The following OR1J2 variants were observed in gnomAD, a reference collection of about 807,000 sequenced individuals.
OR1J2 encodes the protein olfactory receptor family 1 subfamily J member 2.
For missense variants in OR1J2, 304 were observed against 246.1 expected (o/e 1.24, Z -1.57); for synonymous variants, 142 against 99.7 (o/e 1.42, Z -2.52).
the OR1J2 span, chr9:122,567,499 C>A: frequency 2.2e-6 from 3 of 1,362,892 alleles, no homozygotes; most frequent in Non-Finnish European, 3.0e-6. Flanking sequence ...GTAGAAAACA[C>A]GTCCAAGTTG....
downstream of OR1J2, among the ~76,000 whole-genome samples, chr9:122,515,352 T>TGTGTGTGTGTG (rs1828684886): frequency 7.4e-6 from 1 of 135,714 alleles, no homozygotes; most frequent in African/African-American, 2.9e-5. Flanking sequence ...CAGGAGCAGG[T>TGTGTGTGTGTG]TGTGTGTGTG....
the OR1J2 span, among the ~76,000 whole-genome samples, chr9:122,526,156 A>G: frequency 6.6e-6 from 1 of 152,190 alleles, no homozygotes; most frequent in East Asian, 1.9e-4. Flanking sequence ...AATGCATTTC[A>G]TAGTTTATTT....
At chr9:122,492,970 G>T in the OR1J2 span, among the ~76,000 whole-genome samples, 1 of 152,220 alleles carries the variant, frequency 6.6e-6, no homozygotes, top group East Asian at 1.9e-4. Flanking sequence ...AGATCATCAT[G>T]TGAGTTTTGT....
chr9:122,468,766 G>A, the OR1J2 span, among the ~76,000 whole-genome samples: 1 of 152,184 alleles, frequency 6.6e-6, no homozygotes, highest in African/African-American at 2.4e-5. Context: ...TGCCATGGAA[G>A]CCGTTTTACA....
the OR1J2 span, among the ~76,000 whole-genome samples, chr9:122,542,254 TGC>T: frequency 6.6e-6 from 1 of 152,206 alleles, no homozygotes; most frequent in African/African-American, 2.4e-5. Flanking sequence ...GCAAATGGAT[TGC>T]TTCCAATATT....
chr9:122,555,928 A>C, the OR1J2 span, among the ~76,000 whole-genome samples: 87,273 of 152,060 alleles, frequency 0.57, 25,552 homozygotes, highest in East Asian at 0.97. Flanking sequence ...GGTGTTGTGC[A>C]TTCTGTGGGT....
chr9:122,541,577 TAAC>T, the OR1J2 span, among the ~76,000 whole-genome samples: 1 of 152,164 alleles, frequency 6.6e-6, no homozygotes. Flanking sequence ...GAGAATTACA[TAAC>T]AACGTATGCA....
At chr9:122,460,357 T>C in the OR1J2 span, among the ~76,000 whole-genome samples, 1 of 152,170 alleles carries the variant, frequency 6.6e-6, no homozygotes, top group African/African-American at 2.4e-5. Context: ...CAGCATGATT[T>C]GTTGAATAGG....
At chr9:122,504,990 C>A in the OR1J2 span, among the ~76,000 whole-genome samples, 1 of 152,088 alleles carries the variant, frequency 6.6e-6, no homozygotes, top group Non-Finnish European at 1.5e-5. Context: ...GGCCAATATT[C>A]TTTTAACCGT....
At chr9:122,519,471 G>A in the OR1J2 span, 1 of 1,614,072 alleles carries the variant, frequency 6.2e-7, no homozygotes, top group Middle Eastern at 1.6e-4. Context: ...CACTGATCTA[G>A]ACAATTTCCT....
the OR1J2 span, among the ~76,000 whole-genome samples, chr9:122,549,637 GT>G: frequency 4.6e-5 from 7 of 152,184 alleles, no homozygotes; most frequent in Middle Eastern, 6.8e-3. Flanking sequence ...CCCAGTGTAT[GT>G]TTTTGTTAAC....
the OR1J2 span, among the ~76,000 whole-genome samples, chr9:122,552,041 A>T: frequency 2.0e-4 from 29 of 147,220 alleles, no homozygotes; most frequent in East Asian, 3.7e-3. Context: ...ACACATACAC[A>T]CACACACACA....
At chr9:122,577,557 T>C in the OR1J2 span, among the ~76,000 whole-genome samples, 1 of 152,144 alleles carries the variant, frequency 6.6e-6, no homozygotes, top group Admixed American at 6.5e-5. Flanking sequence ...TTAATGAAAC[T>C]AGCAATAATG....
chr9:122,488,697 AAT>A, the OR1J2 span, among the ~76,000 whole-genome samples: 2 of 152,202 alleles, frequency 1.3e-5, no homozygotes, highest in African/African-American at 2.4e-5. Flanking sequence ...GGTTGGCAAA[AAT>A]ATAAAAGAGA....
At chr9:122,484,767 T>A in the OR1J2 span, among the ~76,000 whole-genome samples, 12 of 152,092 alleles carry the variant, frequency 7.9e-5, 1 homozygote, top group East Asian at 2.3e-3. Flanking sequence ...GTGCGTTGGC[T>A]CACACCTGTA....
chr9:122,526,839 A>G, the OR1J2 span: 3 of 1,614,128 alleles, frequency 1.9e-6, no homozygotes, highest in South Asian at 3.3e-5. Context: ...CAGGGCAACG[A>G]TATTGGTGAG....
the OR1J2 span, among the ~76,000 whole-genome samples, chr9:122,552,100 C>A: frequency 2.7e-5 from 4 of 147,648 alleles, no homozygotes; most frequent in African/African-American, 9.9e-5. Flanking sequence ...CACATATACA[C>A]CTTCCTTCCC....
chr9:122,510,303 G>A (rs2119377770), upstream of OR1J2, among the ~76,000 whole-genome samples: 1 of 152,190 alleles, frequency 6.6e-6, no homozygotes, highest in African/African-American at 2.4e-5. Context: ...GCAGTAACTT[G>A]GCTGAAACAC....
At chr9:122,514,982 G>A (rs1336070119), downstream of OR1J2, among the ~76,000 whole-genome samples, 5 of 152,170 alleles carry the variant, frequency 3.3e-5, no homozygotes, top group Non-Finnish European at 7.4e-5. Flanking sequence ...GATGAACATC[G>A]AAGTTTAGAG....
Sources: gnomAD v4.1 joint callset for allele counts (sites outside exome capture counted in the v4.1 genomes callset) on GRCh38, gnomAD v4.1.1 for gene constraint, MANE v1.5 for transcripts, NCBI Gene and HGNC (gene_info 2026-07-23, HGNC 2026-07-21) for gene names.